The following CCSER1 variants were observed in gnomAD, a reference collection of about 807,000 sequenced individuals.
The protein encoded by CCSER1 is coiled-coil serine rich protein 1.
In CCSER1, 41 loss-of-function variants were observed where a neutral mutation model predicts 82.0. The observed-to-expected ratio is 0.50, with a 90% CI of 0.39 to 0.65. The LOEUF is 0.65. Ranked by LOEUF, CCSER1 falls within the 30% of genes least tolerant of loss-of-function variation. The pLI is 0.00. For missense variants in CCSER1, 1,119 were observed against 1,064.2 expected, an observed-to-expected ratio of 1.05 and a Z score of -0.72; for synonymous variants, 414 against 383.9, an observed-to-expected ratio of 1.08 and a Z score of -0.92.
chr4:90,217,194 G>T (rs371354224), intron 1 of CCSER1, among the ~76,000 whole-genome samples: 2 of 151,830 alleles, frequency 1.3e-5, no homozygotes, highest in African/African-American at 4.8e-5. Context: ...GTCTTTAGAC[G>T]TTTTTTTGTT....
rs773034694 is a variant in CCSER1 at position 90,180,136 on chromosome 4, ATATAT to A, written c.-42+52306_-42+52310del. Among the ~76,000 whole-genome samples, 46 of 148,852 alleles carry A rather than the reference ATATAT, an allele frequency of 3.1e-4. 1 individual carries two copies. The highest frequency in any genetic ancestry group is 1.0e-3 in the African/African-American group (41 of 40,642). On this transcript the variant is annotated intron_variant, in intron 1 of 10. Coordinates refer to ENST00000509176, the MANE Select transcript of CCSER1 (RefSeq NM_001145065.2). ...CTTATGTAGTTATATATATATATAT[ATATAT>A]AAATTATATTTTGCTTTTGTTATGT...
intron 10 of CCSER1, among the ~76,000 whole-genome samples, chr4:91,097,603 TTAGA>T (rs1191199454): frequency 6.6e-6 from 1 of 152,200 alleles, no homozygotes; most frequent in Non-Finnish European, 1.5e-5. Flanking sequence ...AATTAACACT[TTAGA>T]TAATTTCTAG....
chr4:90,886,359 A>G (rs1722120870), intron 8 of CCSER1, among the ~76,000 whole-genome samples: 1 of 152,156 alleles, frequency 6.6e-6, no homozygotes, highest in Non-Finnish European at 1.5e-5. Flanking sequence ...TTATCATGGA[A>G]AAAAAATCAT....
At chr4:91,006,512 C>T (rs929979580) in intron 9 of CCSER1, among the ~76,000 whole-genome samples, 5 of 147,872 alleles carry the variant, frequency 3.4e-5, no homozygotes, top group African/African-American at 1.0e-4. Context: ...TTTTCTTAGA[C>T]GGAGTCTCGC....
At chr4:90,877,403 A>G (rs560104331) in intron 8 of CCSER1, among the ~76,000 whole-genome samples, 2 of 152,264 alleles carry the variant, frequency 1.3e-5, no homozygotes, top group Admixed American at 1.3e-4. Flanking sequence ...GGAGGAAAGT[A>G]TAATCAATTG....
At position 90,249,749 on chromosome 4, in the gene CCSER1, C is replaced by T. The variant is rs79654629; in HGVS notation, c.-41-58495C>T. Among the ~76,000 whole-genome samples, 6 of 152,128 alleles carry T rather than the reference C, an allele frequency of 3.9e-5. No individual in the cohort carries two copies. In the East Asian group the frequency reaches 1.2e-3, roughly 29 times the overall value. On this transcript the variant is annotated intron_variant, in intron 1 of 10. Transcript: ENST00000509176. ...ATTTTTTTATTGATCCATTGATGAACATTTGAGTTATTTTCACTTTTTGGT... is the reference window on the plus strand; with the variant it reads ...ATTTTTTTATTGATCCATTGATGAATATTTGAGTTATTTTCACTTTTTGGT...
Position 90,308,283 on chromosome 4 carries a change from C to T in CCSER1, c.-2C>T. 1 of 1,566,136 alleles carries T rather than the reference C, an allele frequency of 6.4e-7. No individual in the cohort carries two copies. The highest frequency in any genetic ancestry group is 1.2e-5 in the South Asian group (1 of 83,454). ...TTTCACAGTGCAAGCCTTTGATTCC[C>T]AATGGGGGACTCAGGATCAAGACGA... On this transcript the variant is annotated 5_prime_UTR_variant, in exon 2 of 11. Transcript: ENST00000509176.
At chr4:91,562,231 A>C (rs560355393) in intron 10 of CCSER1, among the ~76,000 whole-genome samples, 1 of 151,616 alleles carries the variant, frequency 6.6e-6, no homozygotes, top group Admixed American at 6.6e-5. Flanking sequence ...CACTGTTTTC[A>C]TGAGACATAT....
At chr4:90,871,229 G>A (rs949935937) in intron 8 of CCSER1, among the ~76,000 whole-genome samples, 11 of 151,094 alleles carry the variant, frequency 7.3e-5, no homozygotes, top group African/African-American at 2.4e-4. Context: ...TTACATTTGC[G>A]ATTTGCTCAT....
At chr4:90,838,641 C>A (rs554927898) in intron 8 of CCSER1, among the ~76,000 whole-genome samples, 1 of 152,230 alleles carries the variant, frequency 6.6e-6, no homozygotes, top group East Asian at 1.9e-4. Context: ...CTAGATTTCA[C>A]TGTTGTCCCA....
At chr4:91,132,329 T>C (rs1244519657) in intron 10 of CCSER1, among the ~76,000 whole-genome samples, 1 of 152,068 alleles carries the variant, frequency 6.6e-6, no homozygotes, top group Non-Finnish European at 1.5e-5. Context: ...ATAAGGACTG[T>C]GAAGGTGTAC....
intron 4 of CCSER1, among the ~76,000 whole-genome samples, chr4:90,417,400 C>T (rs115811056): frequency 0.018 from 2,742 of 151,816 alleles, 84 homozygotes; most frequent in African/African-American, 0.063. Context: ...ATCATTAATA[C>T]TCAAAGAGAA....
In CCSER1 at chr4:90,251,195, C is replaced by A. The variant is rs149408864; in HGVS notation, c.-41-57049C>A. Among the ~76,000 whole-genome samples, 47 of 151,732 alleles carry A rather than the reference C, an allele frequency of 3.1e-4. No individual in the cohort carries two copies. The East Asian group carries it at 8.5e-3, about 28-fold the overall frequency. On this transcript the variant is annotated intron_variant, in intron 1 of 10. Coordinates refer to ENST00000509176, the MANE Select transcript of CCSER1 (RefSeq NM_001145065.2). ...TATTTCTTTTTTTCTAATCTGGATTCCTTTATTTTATTTAAGTGTTATAAA... is the reference window on the plus strand; with the variant it reads ...TATTTCTTTTTTTCTAATCTGGATTACTTTATTTTATTTAAGTGTTATAAA...
intron 1 of CCSER1, among the ~76,000 whole-genome samples, chr4:90,217,195 T>G (rs754326716): frequency 6.6e-6 from 1 of 152,012 alleles, no homozygotes; most frequent in Non-Finnish European, 1.5e-5. Flanking sequence ...TCTTTAGACG[T>G]TTTTTTGTTT....
At chr4:90,785,211 A>AT (rs1181394001) in intron 7 of CCSER1, among the ~76,000 whole-genome samples, 4 of 151,922 alleles carry the variant, frequency 2.6e-5, no homozygotes, top group South Asian at 4.2e-4. Flanking sequence ...TAATTTTTGT[A>AT]TTTTTTTATG....
intron 10 of CCSER1, among the ~76,000 whole-genome samples, chr4:91,312,126 A>G (rs1266451743): frequency 6.6e-6 from 1 of 151,860 alleles, no homozygotes; most frequent in East Asian, 1.9e-4. Context: ...ACAAATTTAT[A>G]TTGTAGTGCA....
intron 5 of CCSER1, among the ~76,000 whole-genome samples, chr4:90,520,184 T>C (rs1351931367): frequency 6.6e-6 from 1 of 151,666 alleles, no homozygotes; most frequent in Non-Finnish European, 1.5e-5. Context: ...TCTGTAGTTG[T>C]TTTTAGTGTT....
chr4:90,478,758 G>A (rs1055875764), intron 5 of CCSER1, among the ~76,000 whole-genome samples: 2 of 131,286 alleles, frequency 1.5e-5, no homozygotes, highest in African/African-American at 5.7e-5. Context: ...TTATTTTTTT[G>A]GAGATGGAGT....
chr4:91,248,820 G>T (rs1481990516), intron 10 of CCSER1, among the ~76,000 whole-genome samples: 1 of 152,048 alleles, frequency 6.6e-6, no homozygotes, highest in African/African-American at 2.4e-5. Flanking sequence ...ACAAATATAA[G>T]ATATTATTGT....
Sources: gnomAD v4.1 joint callset for allele counts (sites outside exome capture counted in the v4.1 genomes callset) on GRCh38, gnomAD v4.1.1 for gene constraint, MANE v1.5 for transcripts, NCBI Gene and HGNC (gene_info 2026-07-23, HGNC 2026-07-21) for gene names.